The following SPAG9 variants were observed in gnomAD, a reference collection of about 807,000 sequenced individuals.
SPAG9 encodes C-Jun-amino-terminal kinase-interacting protein 4.
Under a neutral mutation model 166.5 loss-of-function variants are expected in SPAG9, and 35 were observed. The ratio of observed to expected loss-of-function variants is 0.21; its 90% CI spans 0.16 to 0.28. The LOEUF is 0.28. SPAG9 is among the 10% of genes least tolerant of loss of function. The pLI is 1.00. For synonymous variants in SPAG9, 534 were observed against 565.5 expected (o/e 0.94, Z 0.79); for missense variants, 1,235 against 1,603.3 (o/e 0.77, Z 3.92).
At chr17:50,987,064 A>T in intron 22 of SPAG9, 48 bp downstream of exon 22, 1 of 1,556,754 alleles carries the variant, frequency 6.4e-7, no homozygotes, top group African/African-American at 1.4e-5. Flanking sequence ...TGATTTCAAA[A>T]GCAAAAGTAA....
chr17:51,021,705 G>A (rs1171395990), intron 6 of SPAG9, among the ~76,000 whole-genome samples: 8 of 152,100 alleles, frequency 5.3e-5, no homozygotes, highest in African/African-American at 1.9e-4. Context: ...ACCTACTTTA[G>A]AACATTTAGA....
At position 51,047,392 on chromosome 17, in the gene SPAG9, T is replaced by G; in HGVS notation, c.573A>C (p.Thr191=). The G allele has an allele frequency of 6.3e-7, 1 of 1,580,556 alleles. No individual in the cohort carries two copies. The highest frequency in any genetic ancestry group is 1.8e-5 in the Admixed American group (1 of 57,032). ...QLSGSDQLES[T]AHSRIRKERP... ...AAGCTTACCTAATTCTACTATGAGCTGTGGATTCTAGTTGATCACTCCCTG... is the reference window on the plus strand; with the variant it reads ...AAGCTTACCTAATTCTACTATGAGCGGTGGATTCTAGTTGATCACTCCCTG... The change falls in exon 4 of 30, where the codon ACA becomes ACC. Residue 191 remains threonine (T), a synonymous_variant. Coordinates refer to ENST00000262013, the MANE Select transcript of SPAG9 (RefSeq NM_001130528.3).
chr17:51,076,050 G>A (rs767224501), intron 2 of SPAG9, among the ~76,000 whole-genome samples: 2 of 151,674 alleles, frequency 1.3e-5, no homozygotes, highest in East Asian at 1.9e-4. Flanking sequence ...AGCCAAGATC[G>A]CGCCACTGCA....
At chr17:51,060,621 G>A (rs1038357515) in intron 2 of SPAG9, among the ~76,000 whole-genome samples, 16 of 151,696 alleles carry the variant, frequency 1.1e-4, no homozygotes, top group Non-Finnish European at 2.9e-5. Context: ...CAAGAGATAG[G>A]CAAAAGGCCA....
chr17:50,964,857 A>T lies in SPAG9; in HGVS notation c.*1415T>A, dbSNP rs1567940837. On this transcript the variant is annotated 3_prime_UTR_variant, in exon 30 of 30. Coordinates refer to ENST00000262013, the MANE Select transcript of SPAG9 (RefSeq NM_001130528.3). Reference sequence around the variant, plus strand: ...AACCTCCACCTCCTGGGCCCAGGTCATCCTCCCACCTCAGCCTCCCAAGTA... The same window carrying T: ...AACCTCCACCTCCTGGGCCCAGGTCTTCCTCCCACCTCAGCCTCCCAAGTA... 1 of 294,026 alleles carries T rather than the reference A, an allele frequency of 3.4e-6. No individual in the cohort carries two copies. The highest frequency in any genetic ancestry group is 3.7e-5 in the Admixed American group (1 of 26,898). The allele number at this position is 294,026 out of a possible 1,614,324, so 18.2% of individuals were successfully genotyped here.
rs141901797 is a variant in SPAG9, at chr17:50,968,604, G to A, written c.3850+2103C>T. 5.5e-3 allele frequency among the ~76,000 whole-genome samples: 844 copies of A among 152,186 alleles called. 5 individuals are homozygous for A. The highest frequency in any genetic ancestry group is 0.019 in the African/African-American group (779 of 41,544). ...AAATTAACCAGGCGTGGTGGCACAT[G>A]CCTGAAATCCCAGCTACTCGGGAGG... On this transcript the variant is annotated intron_variant, in intron 29 of 29. Transcript: ENST00000262013.
At chr17:51,090,228 A>G (rs1222851994) in intron 1 of SPAG9, among the ~76,000 whole-genome samples, 1 of 152,138 alleles carries the variant, frequency 6.6e-6, no homozygotes, top group Non-Finnish European at 1.5e-5. Context: ...AAAGACAAGT[A>G]AGATTCCACT....
intron 1 of SPAG9, among the ~76,000 whole-genome samples, chr17:51,085,959 ATTTT>A (rs34918673): frequency 2.3e-5 from 2 of 88,056 alleles, no homozygotes; most frequent in Admixed American, 1.5e-4. Flanking sequence ...CTTGGAAATC[ATTTT>A]TTTTTTTTTT....
Position 51,021,144 on chromosome 17 carries a change from C to A in SPAG9, c.991+14G>T, listed in dbSNP as rs766732054. 6.2e-7 allele frequency: 1 copy of A among 1,606,668 alleles called. No individual in the cohort carries two copies. The highest frequency in any genetic ancestry group is 8.5e-7 in the Non-Finnish European group (1 of 1,173,532). ...GAATACTTTCCTAGTAAGTAAAGAA[C>A]TAGGGTCACTCACCAGTAGATACAT... On this transcript the variant is annotated intron_variant, in intron 7 of 29. Coordinates refer to ENST00000262013, the MANE Select transcript of SPAG9 (RefSeq NM_001130528.3).
intron 8 of SPAG9, among the ~76,000 whole-genome samples, chr17:51,017,143 T>G (rs1343620834): frequency 1.3e-5 from 2 of 152,188 alleles, no homozygotes; most frequent in Non-Finnish European, 2.9e-5. Context: ...CCGTATTTGA[T>G]CTACAAAATA....
intron 27 of SPAG9, 60 bp downstream of exon 27, chr17:50,977,048 A>G (rs1484495685): frequency 9.4e-7 from 1 of 1,064,624 alleles, no homozygotes; most frequent in South Asian, 1.3e-5. Context: ...AATTTCAGAC[A>G]TAACTATTTC....
Position 51,091,255 on chromosome 17 carries a change from G to A in SPAG9, c.304-11551C>T, listed in dbSNP as rs577819222. The stretch of plus-strand genomic sequence containing the variant: ...GCCACTGCACTCCAGCCTGAGCGAC[G>A]GATCAAGACCCTGTATACAAAAAAA... On this transcript the variant is annotated intron_variant, in intron 1 of 29. Transcript: ENST00000262013. 8.1e-5 allele frequency among the ~76,000 whole-genome samples: 12 copies of A among 148,174 alleles called. No individual in the cohort carries two copies. In the South Asian group the frequency reaches 2.4e-3, roughly 29 times the overall value.
At chr17:51,065,225 G>T (rs1039432878) in intron 2 of SPAG9, among the ~76,000 whole-genome samples, 2 of 151,876 alleles carry the variant, frequency 1.3e-5, no homozygotes, top group African/African-American at 4.8e-5. Context: ...TAGAGACAGG[G>T]TCTCGCTATT....
chr17:51,069,123 T>G (rs1316149983), intron 2 of SPAG9, among the ~76,000 whole-genome samples: 2 of 152,004 alleles, frequency 1.3e-5, no homozygotes, highest in Non-Finnish European at 2.9e-5. Context: ...AATAATTAAC[T>G]TGTCATTCTT....
intron 5 of SPAG9, chr17:51,040,392 G>A (rs900004141): frequency 6.6e-6 from 1 of 152,104 alleles, no homozygotes; most frequent in Non-Finnish European, 1.5e-5. Flanking sequence ...GATTTTCAGT[G>A]GGAGAAAAGC....
In SPAG9 at chr17:51,043,426, GA is replaced by G. The variant is rs2046914343; in HGVS notation, c.591-1776del. 2.0e-5 allele frequency among the ~76,000 whole-genome samples: 3 copies of G among 152,086 alleles called. No individual in the cohort carries two copies. The South Asian group carries it at 6.2e-4, about 32-fold the overall frequency. On this transcript the variant is annotated intron_variant, in intron 4 of 29. Coordinates refer to ENST00000262013, the MANE Select transcript of SPAG9 (RefSeq NM_001130528.3). ...CACATACACATTCCCATATACTATA[GA>G]ACCCTGTTCTTTCTTGAAAATGACT...
intron 1 of SPAG9, among the ~76,000 whole-genome samples, chr17:51,085,872 T>C (rs540152771): frequency 4.6e-5 from 7 of 151,528 alleles, no homozygotes; most frequent in Non-Finnish European, 8.8e-5. Flanking sequence ...CTTCAAGTTC[T>C]AAAAGAAATC....
At chr17:51,092,019 T>C (rs935123271) in intron 1 of SPAG9, among the ~76,000 whole-genome samples, 4 of 150,474 alleles carry the variant, frequency 2.7e-5, no homozygotes. Flanking sequence ...CTAAAGGTTG[T>C]TGCTTGTTGG....
chr17:50,999,349 T>TC (rs1419374573), intron 14 of SPAG9: 2 of 722,420 alleles, frequency 2.8e-6, no homozygotes, highest in African/African-American at 3.7e-5. Flanking sequence ...TTAATGGGGA[T>TC]CCAGGTCATT....
Sources: allele counts gnomAD v4.1 joint callset (sites outside exome capture counted in the v4.1 genomes callset), GRCh38; gene constraint gnomAD v4.1.1; transcripts MANE v1.5; gene names NCBI Gene and HGNC (gene_info 2026-07-23, HGNC 2026-07-21).